The following PLPP4 variants were observed in gnomAD, a reference collection of about 807,000 sequenced individuals.
PLPP4 encodes diacylglycerol pyrophosphate like 2.
Under a neutral mutation model 32.2 loss-of-function variants are expected in PLPP4, and 20 were observed. The observed-to-expected ratio is 0.62, with a 90% CI of 0.44 to 0.90. PLPP4 has a LOEUF of 0.90. Ranked by LOEUF, PLPP4 falls within the 40% of genes least tolerant of loss-of-function variation. The pLI, the probability that PLPP4 is intolerant of heterozygous loss-of-function variation, is 0.00. For synonymous variants in PLPP4, 127 were observed against 133.0 expected (o/e 0.95, Z 0.31); for missense variants, 257 against 353.1 (o/e 0.73, Z 2.18).
At chr10:120,504,838 T>C (rs1031439572) in intron 2 of PLPP4, among the ~76,000 whole-genome samples, 5 of 152,216 alleles carry the variant, frequency 3.3e-5, no homozygotes, top group African/African-American at 1.2e-4. Context: ...TCTGTTCTGG[T>C]TTTAGCTGGT....
intron 3 of PLPP4, among the ~76,000 whole-genome samples, chr10:120,516,330 G>A (rs1327022824): frequency 6.6e-6 from 1 of 152,184 alleles, no homozygotes; most frequent in Non-Finnish European, 1.5e-5. Flanking sequence ...TTCCAAACCT[G>A]GATCCCAAGT....
intron 5 of PLPP4, among the ~76,000 whole-genome samples, chr10:120,543,753 T>G (rs1445379017): frequency 6.6e-6 from 1 of 152,196 alleles, no homozygotes; most frequent in Non-Finnish European, 1.5e-5. Context: ...TCTGTACCCG[T>G]TAAACACTGA....
chr10:120,524,761 C>T (rs1379507790), intron 5 of PLPP4, among the ~76,000 whole-genome samples: 1 of 152,138 alleles, frequency 6.6e-6, no homozygotes, highest in East Asian at 1.9e-4. Context: ...TTTCAAAGAG[C>T]AAGTGATTTT....
At chr10:120,576,229 G>A (rs936254740) in intron 6 of PLPP4, among the ~76,000 whole-genome samples, 11 of 152,248 alleles carry the variant, frequency 7.2e-5, no homozygotes, top group Non-Finnish European at 1.3e-4. Context: ...GAAAGAAAGT[G>A]TGCCTGAATC....
chr10:120,576,625 G>T (rs990793439), intron 6 of PLPP4, among the ~76,000 whole-genome samples: 2 of 152,222 alleles, frequency 1.3e-5, no homozygotes, highest in Non-Finnish European at 2.9e-5. Flanking sequence ...AGGATGAAGG[G>T]TATAGGGAAA....
chr10:120,485,460 A>G (rs1453722195), intron 1 of PLPP4, among the ~76,000 whole-genome samples: 1 of 152,206 alleles, frequency 6.6e-6, no homozygotes, highest in African/African-American at 2.4e-5. Flanking sequence ...CTACAGACCT[A>G]CTTCCAGCCC....
intron 6 of PLPP4, among the ~76,000 whole-genome samples, chr10:120,579,758 A>C (rs1589924139): frequency 6.6e-6 from 1 of 152,002 alleles, no homozygotes; most frequent in Non-Finnish European, 1.5e-5. Flanking sequence ...CAGAGCCATT[A>C]CATGAAATCA....
At chr10:120,554,242 T>A (rs894373183) in intron 5 of PLPP4, among the ~76,000 whole-genome samples, 4 of 152,184 alleles carry the variant, frequency 2.6e-5, no homozygotes, top group Admixed American at 6.5e-5. Context: ...GTTCCGCAGA[T>A]CCCTAGAGCA....
chr10:120,559,408 A>G (rs1848316941), intron 5 of PLPP4, among the ~76,000 whole-genome samples: 1 of 152,026 alleles, frequency 6.6e-6, no homozygotes, highest in Non-Finnish European at 1.5e-5. Context: ...ATCCTTATTA[A>G]AGAAAGAGTA....
chr10:120,466,624 G>A (rs184018427), intron 1 of PLPP4, among the ~76,000 whole-genome samples: 1 of 152,242 alleles, frequency 6.6e-6, no homozygotes, highest in East Asian at 1.9e-4. Flanking sequence ...ATTTCTTTGT[G>A]TATGCTATTT....
intron 5 of PLPP4, among the ~76,000 whole-genome samples, chr10:120,565,665 T>C (rs1848661998): frequency 6.6e-6 from 1 of 152,156 alleles, no homozygotes; most frequent in Non-Finnish European, 1.5e-5. Context: ...CTTTTATGTA[T>C]CTTGTTTGGG....
At chr10:120,547,402 C>T (rs981484081) in intron 5 of PLPP4, among the ~76,000 whole-genome samples, 2 of 152,126 alleles carry the variant, frequency 1.3e-5, no homozygotes, top group Non-Finnish European at 2.9e-5. Context: ...CCTCATTAAT[C>T]ACATTTTTGA....
chr10:120,523,403 T>C (rs1420910087), intron 5 of PLPP4, among the ~76,000 whole-genome samples: 1 of 152,176 alleles, frequency 6.6e-6, no homozygotes, highest in East Asian at 1.9e-4. Context: ...CTAAACATGT[T>C]TTTTTCCTCT....
At position 120,498,913 on chromosome 10, in the gene PLPP4, G is replaced by A. The variant is rs111991195; in HGVS notation, c.57-4905G>A. ...TGCCTCATGTGATCCACCTGCCTTG[G>A]CCTCCCAAAATCACTTCTATTCTTA... is the stretch of plus-strand genomic sequence containing the variant. On this transcript the variant is annotated intron_variant, in intron 1 of 6. Transcript: ENST00000398250. Among the ~76,000 whole-genome samples the A allele has an allele frequency of 9.3e-3, 1,408 of 152,166 alleles. 17 individuals are homozygous for A. Among genetic ancestry groups the A allele is most frequent in the Non-Finnish European group, 9.8e-3 (668 of 68,004 alleles).
chr10:120,500,343 G>C (rs1428967225), intron 1 of PLPP4, among the ~76,000 whole-genome samples: 1 of 152,146 alleles, frequency 6.6e-6, no homozygotes, highest in Non-Finnish European at 1.5e-5. Flanking sequence ...ACAGAGTGGG[G>C]GTGTGTGGCC....
intron 6 of PLPP4, chr10:120,580,931 A>G: frequency 1.6e-6 from 2 of 1,288,990 alleles, no homozygotes; most frequent in Non-Finnish European, 2.0e-6. Flanking sequence ...CCACAGTCAC[A>G]TTTACCATCG....
chr10:120,485,629 G>A (rs757911560), intron 1 of PLPP4, among the ~76,000 whole-genome samples: 4 of 152,222 alleles, frequency 2.6e-5, no homozygotes, highest in Non-Finnish European at 4.4e-5. Flanking sequence ...GCTGGATACT[G>A]TGAATTTCTT....
chr10:120,586,613 C>G (rs1292619836), intron 6 of PLPP4, among the ~76,000 whole-genome samples: 1 of 152,078 alleles, frequency 6.6e-6, no homozygotes, highest in East Asian at 1.9e-4. Context: ...GGGGCATGCC[C>G]AAAAACACAC....
chr10:120,535,048 G>A (rs1025616844), intron 5 of PLPP4, among the ~76,000 whole-genome samples: 3 of 152,004 alleles, frequency 2.0e-5, no homozygotes, highest in Admixed American at 6.6e-5. Flanking sequence ...GGAGACCAGC[G>A]AATTTAGGTA....
Sources: gnomAD v4.1 joint callset for allele counts (sites outside exome capture counted in the v4.1 genomes callset) on GRCh38, gnomAD v4.1.1 for gene constraint, MANE v1.5 for transcripts, NCBI Gene and HGNC (gene_info 2026-07-23, HGNC 2026-07-21) for gene names.